SHISA9: variants seen among roughly 807,000 people sequenced by gnomAD.
SHISA9 encodes the protein shisa family member 9.
Under a neutral mutation model 38.0 loss-of-function variants are expected in SHISA9, and 13 were observed. That is an observed-to-expected ratio of 0.34 (90% CI 0.22 to 0.54). The LOEUF is 0.54. Ranked by LOEUF, SHISA9 falls within the 20% of genes least tolerant of loss-of-function variation. The pLI, the probability that SHISA9 is intolerant of heterozygous loss-of-function variation, is 0.91. For missense variants in SHISA9, 538 were observed against 575.8 expected (o/e 0.93, Z 0.67); for synonymous variants, 275 against 242.0 (o/e 1.14, Z -1.27).
intron 2 of SHISA9, among the ~76,000 whole-genome samples, chr16:13,018,699 T>A (rs2072786238): frequency 6.6e-6 from 1 of 152,190 alleles, no homozygotes; most frequent in Non-Finnish European, 1.5e-5. Context: ...AATCCTTTAT[T>A]GATTCCTAGT....
chr16:13,558,783 A>T, the SHISA9 span, among the ~76,000 whole-genome samples: 6 of 152,232 alleles, frequency 3.9e-5, no homozygotes, highest in Non-Finnish European at 7.3e-5. Flanking sequence ...CTACAAAAAA[A>T]GATATTTGTT....
intron 2 of SHISA9, among the ~76,000 whole-genome samples, chr16:12,989,008 T>C (rs897005051): frequency 3.9e-5 from 6 of 152,160 alleles, no homozygotes; most frequent in African/African-American, 1.4e-4. Context: ...ATCTGTGTTT[T>C]GTAGATGGAG....
intron 2 of SHISA9, among the ~76,000 whole-genome samples, chr16:13,161,712 G>A (rs1018523267): frequency 3.9e-5 from 6 of 152,078 alleles, no homozygotes; most frequent in African/African-American, 1.2e-4. Flanking sequence ...TATAGGCAGG[G>A]GGTCCTTTGA....
intron 2 of SHISA9, among the ~76,000 whole-genome samples, chr16:12,998,613 T>C (rs983919481): frequency 6.6e-6 from 1 of 152,216 alleles, no homozygotes; most frequent in Admixed American, 6.5e-5. Flanking sequence ...CATGGAAATC[T>C]CTACTTTCCT....
chr16:13,532,417 T>A, the SHISA9 span, among the ~76,000 whole-genome samples: 1 of 152,108 alleles, frequency 6.6e-6, no homozygotes, highest in Non-Finnish European at 1.5e-5. Flanking sequence ...ACAAATCACA[T>A]CAAACCAGAG....
At chr16:13,559,009 T>G in the SHISA9 span, among the ~76,000 whole-genome samples, 1 of 152,232 alleles carries the variant, frequency 6.6e-6, no homozygotes, top group Admixed American at 6.5e-5. Context: ...GATCAATTTA[T>G]AGTTTACAAA....
chr16:13,284,113 C>T, the SHISA9 span, among the ~76,000 whole-genome samples: 1 of 152,196 alleles, frequency 6.6e-6, no homozygotes, highest in Non-Finnish European at 1.5e-5. Flanking sequence ...ATTTCAAACT[C>T]TGCTCTCTGC....
At chr16:13,076,876 C>T (rs1215141509) in intron 2 of SHISA9, among the ~76,000 whole-genome samples, 2 of 152,174 alleles carry the variant, frequency 1.3e-5, no homozygotes, top group South Asian at 2.1e-4. Flanking sequence ...AGTAGGCCCT[C>T]AGTAAATATT....
At chr16:13,401,656 G>A in the SHISA9 span, among the ~76,000 whole-genome samples, 1 of 152,158 alleles carries the variant, frequency 6.6e-6, no homozygotes, top group Admixed American at 6.5e-5. Context: ...CTAGAGGGAG[G>A]CCATCTACAA....
intron 2 of SHISA9, among the ~76,000 whole-genome samples, chr16:12,931,523 G>T (rs1265921003): frequency 6.6e-6 from 1 of 152,158 alleles, no homozygotes; most frequent in Non-Finnish European, 1.5e-5. Context: ...CCACTTATAA[G>T]TGAGAACATG....
intron 2 of SHISA9, among the ~76,000 whole-genome samples, chr16:13,035,635 A>G (rs1303089264): frequency 6.6e-6 from 1 of 151,688 alleles, no homozygotes; most frequent in African/African-American, 2.4e-5. Flanking sequence ...GGTTCAAGTG[A>G]TTCTCCTGTC....
At chr16:13,020,400 C>T (rs2072837812) in intron 2 of SHISA9, among the ~76,000 whole-genome samples, 1 of 152,070 alleles carries the variant, frequency 6.6e-6, no homozygotes, top group Non-Finnish European at 1.5e-5. Context: ...GTGTTGCTCC[C>T]CCGTATGTAT....
At position 13,212,998 on chromosome 16, in the gene SHISA9, G is replaced by A. The variant is rs117431440; in HGVS notation, c.848-255G>A. On this transcript the variant is annotated intron_variant, in intron 3 of 4. Transcript: ENST00000558583. ...TGCCTTACGTAACTGAAAATATCTC[G>A]GCCTTTTTCAGGAGGCTTCTTTTGA... Among the ~76,000 whole-genome samples, 210 of 152,172 alleles carry A rather than the reference G, an allele frequency of 1.4e-3. 1 individual carries two copies. The highest frequency in any genetic ancestry group is 2.6e-3 in the Non-Finnish European group (177 of 68,008).
intron 1 of SHISA9, chr16:12,911,257 G>T (rs74621282): frequency 0.13 from 131,094 of 985,196 alleles, 9,010 homozygotes; most frequent in South Asian, 0.27. Flanking sequence ...TGGATGCACC[G>T]TAACATCTGA....
chr16:13,260,468 A>G, the SHISA9 span, among the ~76,000 whole-genome samples: 3,277 of 152,236 alleles, frequency 0.022, 44 homozygotes, highest in Non-Finnish European at 0.036. Context: ...ACCCAAAATT[A>G]TCTTTTTCAA....
the SHISA9 span, among the ~76,000 whole-genome samples, chr16:13,481,897 C>A: frequency 2.0e-5 from 3 of 152,210 alleles, no homozygotes; most frequent in African/African-American, 7.2e-5. Context: ...TAAGAGAGAT[C>A]TCATTAAGAG....
chr16:13,248,451 G>A, the SHISA9 span, among the ~76,000 whole-genome samples: 1,417 of 152,250 alleles, frequency 9.3e-3, 26 homozygotes, highest in African/African-American at 0.033. Flanking sequence ...GGCACTGCAT[G>A]CAGAGAGAAA....
the SHISA9 span, among the ~76,000 whole-genome samples, chr16:13,483,819 C>T: frequency 6.6e-6 from 1 of 152,182 alleles, no homozygotes; most frequent in Non-Finnish European, 1.5e-5. Flanking sequence ...CCAGGGAGAG[C>T]ATGGAAGCTC....
chr16:13,061,049 C>A (rs537697385), intron 2 of SHISA9, among the ~76,000 whole-genome samples: 2 of 152,286 alleles, frequency 1.3e-5, no homozygotes, highest in East Asian at 3.9e-4. Context: ...ATGCTCCTGT[C>A]TCCACTGGGA....
Sources: gnomAD v4.1 joint callset for allele counts (sites outside exome capture counted in the v4.1 genomes callset) on GRCh38, gnomAD v4.1.1 for gene constraint, MANE v1.5 for transcripts, NCBI Gene and HGNC (gene_info 2026-07-23, HGNC 2026-07-21) for gene names.